The following CNTNAP2 variants were observed in gnomAD, a reference collection of about 807,000 sequenced individuals.
CNTNAP2 encodes the protein contactin-associated protein-like 2.
In CNTNAP2, 98 loss-of-function variants were observed where a neutral mutation model predicts 155.2. The ratio of observed to expected loss-of-function variants is 0.63; its 90% CI spans 0.54 to 0.75. The LOEUF (loss-of-function observed/expected upper bound fraction) is 0.75. Among genes scored for constraint, CNTNAP2 ranks in the 30% least tolerant of loss-of-function variants. The probability of loss-of-function intolerance (pLI) is 0.00; values close to 1 mark genes in which losing one functional copy is unlikely to be tolerated. For missense variants in CNTNAP2, 1,727 were observed against 1,688.1 expected, an observed-to-expected ratio of 1.02 and a Z score of -0.40; for synonymous variants, 651 against 631.2, an observed-to-expected ratio of 1.03 and a Z score of -0.47.
intron 18 of CNTNAP2, among the ~76,000 whole-genome samples, chr7:148,192,367 A>G (rs1795212132): frequency 6.6e-6 from 1 of 152,206 alleles, no homozygotes; most frequent in Non-Finnish European, 1.5e-5. Context: ...TGACTTGTTT[A>G]ACTTAAAGTC....
At chr7:148,094,046 C>T (rs546596181) in intron 15 of CNTNAP2, among the ~76,000 whole-genome samples, 7 of 152,318 alleles carry the variant, frequency 4.6e-5, no homozygotes, top group Non-Finnish European at 1.0e-4. Flanking sequence ...GTGTAAGCCA[C>T]CACACCCAGT....
chr7:146,764,231 T>G (rs1324422622), intron 1 of CNTNAP2, among the ~76,000 whole-genome samples: 1 of 152,112 alleles, frequency 6.6e-6, no homozygotes, highest in African/African-American at 2.4e-5. Context: ...CTTCAGATTA[T>G]TGGTTTATTA....
At chr7:147,960,722 G>C (rs1801103195) in intron 14 of CNTNAP2, among the ~76,000 whole-genome samples, 1 of 151,954 alleles carries the variant, frequency 6.6e-6, no homozygotes. Flanking sequence ...GAGTTATGCT[G>C]TCTCCCTGTG....
chr7:147,969,104 T>C (rs1801283512), intron 14 of CNTNAP2, among the ~76,000 whole-genome samples: 1 of 152,196 alleles, frequency 6.6e-6, no homozygotes. Flanking sequence ...TTGCTCTATA[T>C]GGTGGTATGA....
intron 14 of CNTNAP2, among the ~76,000 whole-genome samples, chr7:147,941,942 T>C (rs1485206649): frequency 2.0e-5 from 3 of 152,236 alleles, no homozygotes; most frequent in Non-Finnish European, 4.4e-5. Context: ...TCTTTGATCA[T>C]GTGGCCATGT....
At chr7:146,419,249 T>C (rs1639508) in intron 1 of CNTNAP2, among the ~76,000 whole-genome samples, 5,395 of 152,116 alleles carry the variant, frequency 0.035, 338 homozygotes, top group African/African-American at 0.12. Context: ...TCAGATCTTC[T>C]AAGACTTATT....
At chr7:147,860,456 GGTGGGTGTCTATAATCCCA>G (rs1231392469) in intron 13 of CNTNAP2, among the ~76,000 whole-genome samples, 1 of 151,684 alleles carries the variant, frequency 6.6e-6, no homozygotes, top group East Asian at 1.9e-4. Context: ...CATGTGTGGT[GGTGGGTGTCTATAATCCCA>G]GCTACTCGGG....
chr7:148,091,970 A>G (rs1803850256), intron 15 of CNTNAP2, among the ~76,000 whole-genome samples: 1 of 152,224 alleles, frequency 6.6e-6, no homozygotes, highest in Admixed American at 6.5e-5. Flanking sequence ...TATAGTTATC[A>G]GGAAGGAGGT....
At chr7:146,758,542 G>A (rs760456250) in intron 1 of CNTNAP2, among the ~76,000 whole-genome samples, 14 of 152,136 alleles carry the variant, frequency 9.2e-5, no homozygotes, top group Non-Finnish European at 1.6e-4. Flanking sequence ...GTTCCACGTG[G>A]CTGGGGAGGC....
intron 11 of CNTNAP2, among the ~76,000 whole-genome samples, chr7:147,522,768 C>CAAA (rs143914653): frequency 1.1e-5 from 1 of 93,268 alleles, no homozygotes; most frequent in Non-Finnish European, 2.2e-5. Flanking sequence ...TCTGGCCCAG[C>CAAA]AAAAAAAAAA....
chr7:148,025,700 ACTTG>A (rs1298090001), intron 15 of CNTNAP2, among the ~76,000 whole-genome samples: 2 of 152,118 alleles, frequency 1.3e-5, no homozygotes, highest in Non-Finnish European at 2.9e-5. Context: ...ACACTTACTT[ACTTG>A]CAATAACATA....
At chr7:147,576,109 A>AT (rs1168657216) in intron 12 of CNTNAP2, among the ~76,000 whole-genome samples, 1 of 76,652 alleles carries the variant, frequency 1.3e-5, no homozygotes, top group Admixed American at 1.4e-4. Context: ...ATTATTTGAA[A>AT]ATTTTTTTCT....
At chr7:148,157,681 T>A (rs1192064755) in intron 17 of CNTNAP2, among the ~76,000 whole-genome samples, 2 of 151,744 alleles carry the variant, frequency 1.3e-5, no homozygotes, top group Non-Finnish European at 2.9e-5. Flanking sequence ...CAAATTGGGG[T>A]CTTGCCTGTT....
rs115879661 is a variant in CNTNAP2, at chr7:148,227,768, T to G, written c.3248-1878T>G. On this transcript the variant is annotated intron_variant, in intron 19 of 23. Transcript: ENST00000361727. Reference sequence around the variant, plus strand: ...ATAGTGAAGGTTTGTTGAATTTCGTTTAGAAAACAAATATAGGAAATGTAA... The same window carrying G: ...ATAGTGAAGGTTTGTTGAATTTCGTGTAGAAAACAAATATAGGAAATGTAA... 6.9e-3 allele frequency among the ~76,000 whole-genome samples: 1,048 copies of G among 152,292 alleles called. 14 individuals are homozygous for G. The highest frequency in any genetic ancestry group is 0.024 in the African/African-American group (979 of 41,574).
intron 13 of CNTNAP2, among the ~76,000 whole-genome samples, chr7:147,878,157 TC>T (rs886388811): frequency 2.6e-5 from 4 of 152,070 alleles, no homozygotes; most frequent in African/African-American, 9.7e-5. Context: ...TTTTTTTTTT[TC>T]TTTTTCTTTT....
chr7:147,861,997 C>CACAAAAAAAAA (rs1799141998), intron 13 of CNTNAP2, among the ~76,000 whole-genome samples: 1 of 31,628 alleles, frequency 3.2e-5, no homozygotes, highest in Non-Finnish European at 6.0e-5. Context: ...AACTCCATCT[C>CACAAAAAAAAA]ACAAAAAAAA....
intron 1 of CNTNAP2, among the ~76,000 whole-genome samples, chr7:146,555,509 T>C (rs899473406): frequency 2.0e-5 from 3 of 147,096 alleles, no homozygotes; most frequent in African/African-American, 7.5e-5. Flanking sequence ...TATCTATCTA[T>C]CTATCTATCT....
intron 11 of CNTNAP2, among the ~76,000 whole-genome samples, chr7:147,501,451 T>G (rs1338976053): frequency 3.3e-5 from 5 of 152,204 alleles, no homozygotes; most frequent in African/African-American, 7.2e-5. Flanking sequence ...TTTCTCTGTT[T>G]GCAGATGACA....
rs559137465 is a variant in CNTNAP2, at chr7:147,793,702, A to G, written c.2099-109863A>G. Among the ~76,000 whole-genome samples, 3 of 152,230 alleles carry G rather than the reference A, an allele frequency of 2.0e-5. No individual in the cohort carries two copies. In the South Asian group the frequency reaches 6.2e-4, roughly 32 times the overall value. ...AAGATCAGCTTGTCAATTTCTACAA[A>G]GAAATCAGGTGGGGATTTAATACAG... is the stretch of plus-strand genomic sequence containing the variant. On this transcript the variant is annotated intron_variant, in intron 13 of 23. Coordinates refer to ENST00000361727, the MANE Select transcript of CNTNAP2 (RefSeq NM_014141.6).
Sources: gnomAD v4.1 joint callset for allele counts (sites outside exome capture counted in the v4.1 genomes callset) on GRCh38, gnomAD v4.1.1 for gene constraint, MANE v1.5 for transcripts, NCBI Gene and HGNC (gene_info 2026-07-23, HGNC 2026-07-21) for gene names.